The following MTAP variants were observed in gnomAD, a reference collection of about 807,000 sequenced individuals.
The protein encoded by MTAP is methylthioadenosine phosphorylase.
MTAP carries 33 observed loss-of-function variants against 33.6 expected under a neutral mutation model. The observed-to-expected ratio is 0.98, with a 90% confidence interval of 0.74 to 1.31. The LOEUF (loss-of-function observed/expected upper bound fraction) is 1.31, where lower values mean the gene tolerates loss of function less well. Among genes scored for constraint, MTAP ranks in the 40% most tolerant of loss-of-function variants. MTAP has a pLI of 0.00. For missense variants in MTAP, 367 were observed against 360.0 expected, an observed-to-expected ratio of 1.02 and a Z score of -0.16; for synonymous variants, 148 against 125.7, an observed-to-expected ratio of 1.18 and a Z score of -1.19.
intron 4 of MTAP, among the ~76,000 whole-genome samples, chr9:21,830,244 C>T (rs889501114): frequency 6.6e-6 from 1 of 152,136 alleles, no homozygotes; most frequent in Non-Finnish European, 1.5e-5. Context: ...TGCACAGGGA[C>T]GAGTTTCCTG....
chr9:21,812,721 C>T (rs10811624), intron 1 of MTAP, among the ~76,000 whole-genome samples: 7,193 of 152,258 alleles, frequency 0.047, 196 homozygotes, highest in Middle Eastern at 0.085. Flanking sequence ...TCGTCATGAA[C>T]TTGACCTCTC....
intron 1 of MTAP, among the ~76,000 whole-genome samples, chr9:21,874,910 G>A (rs1825984500): frequency 6.6e-6 from 1 of 151,868 alleles, no homozygotes; most frequent in Non-Finnish European, 1.5e-5. Context: ...TGTTCTTATT[G>A]TTCAACTCCC....
At chr9:21,814,826 G>T (rs1271447268) in intron 1 of MTAP, among the ~76,000 whole-genome samples, 1 of 152,146 alleles carries the variant, frequency 6.6e-6, no homozygotes, top group Non-Finnish European at 1.5e-5. Context: ...ATACATATAT[G>T]AATGATTGTT....
intron 1 of MTAP, 52 bp downstream of exon 1, chr9:21,802,833 G>GC: frequency 1.9e-6 from 3 of 1,605,554 alleles, no homozygotes; most frequent in Non-Finnish European, 2.5e-6. Flanking sequence ...ATGCCTTCTC[G>GC]CCCCCGCGCC....
rs1818708224 is a variant in MTAP at position 21,917,399 on chromosome 9, C to T, written c.148-13609C>T. On this transcript the variant is annotated intron_variant, in intron 1 of 1. Coordinates refer to the MTAP transcript ENST00000577563. Reference sequence around the variant, plus strand: ...ACGAAAGCAAGGCCTACCCTGGGTACTGCAATGTTAGTAGGTCAAGGAAAA... The same window carrying T: ...ACGAAAGCAAGGCCTACCCTGGGTATTGCAATGTTAGTAGGTCAAGGAAAA... Among the ~76,000 whole-genome samples, 2 of 152,110 alleles carry T rather than the reference C, an allele frequency of 1.3e-5. 1 individual carries two copies. Among genetic ancestry groups the T allele is most frequent in the Non-Finnish European group, 2.9e-5 (2 of 68,026 alleles).
At chr9:21,808,136 G>C (rs151330233) in intron 1 of MTAP, among the ~76,000 whole-genome samples, 85 of 152,360 alleles carry the variant, frequency 5.6e-4, no homozygotes, top group African/African-American at 2.0e-3. Flanking sequence ...GTTTTGACAA[G>C]CCTTAGAATA....
At chr9:21,861,667 A>G (rs1825756020) in intron 7 of MTAP, 1 of 373,314 alleles carries the variant, frequency 2.7e-6, no homozygotes, top group African/African-American at 2.1e-5. Flanking sequence ...GATAAGGGAT[A>G]GAGGTTGCAT....
intron 1 of MTAP, chr9:21,803,003 C>CACACACACAT: frequency 1.0e-6 from 1 of 975,512 alleles, no homozygotes; most frequent in Non-Finnish European, 1.4e-6. Context: ...CACACACACA[C>CACACACACAT]ACACACACAC....
rs1824864598 is a variant in MTAP, at chr9:21,827,973, A to C, written c.347+9771A>C. On this transcript the variant is annotated intron_variant, in intron 4 of 7. Coordinates refer to ENST00000644715, the MANE Select transcript of MTAP (RefSeq NM_002451.4). ...GAATTGGGCACTGAGCCTTGGGTTAATCTGTTACTTAAACAGTATGACTAT... is the reference window on the plus strand; with the variant it reads ...GAATTGGGCACTGAGCCTTGGGTTACTCTGTTACTTAAACAGTATGACTAT... Among the ~76,000 whole-genome samples the C allele has an allele frequency of 1.3e-5, 2 of 152,258 alleles. 1 individual carries two copies. Among genetic ancestry groups the C allele is most frequent in the Non-Finnish European group, 2.9e-5 (2 of 68,044 alleles).
At chr9:21,820,148 T>G (rs1011082312) in intron 4 of MTAP, among the ~76,000 whole-genome samples, 8 of 152,312 alleles carry the variant, frequency 5.3e-5, no homozygotes, top group East Asian at 1.9e-4. Flanking sequence ...TTAGTTTAAT[T>G]AGATCCCATT....
chr9:21,861,399 C>T (rs1026593937), intron 7 of MTAP: 1 of 153,060 alleles, frequency 6.5e-6, no homozygotes, highest in Non-Finnish European at 1.5e-5. Flanking sequence ...GGAATTCCTG[C>T]TCTAGACAAA....
chr9:21,881,900 G>A (rs147744138), intron 1 of MTAP, among the ~76,000 whole-genome samples: 2,411 of 151,992 alleles, frequency 0.016, 64 homozygotes, highest in African/African-American at 0.054. Flanking sequence ...ATTGAAAGCA[G>A]GATCTCAAAG....
downstream of MTAP, among the ~76,000 whole-genome samples, chr9:21,939,190 T>C (rs370366219): frequency 1.3e-5 from 2 of 152,328 alleles, no homozygotes; most frequent in African/African-American, 4.8e-5. Context: ...CCCGCCATAA[T>C]TCTGAGGCCT....
At chr9:21,871,092 A>G (rs1027301791), downstream of MTAP, among the ~76,000 whole-genome samples, 1 of 152,146 alleles carries the variant, frequency 6.6e-6, no homozygotes, top group African/African-American at 2.4e-5. Context: ...TTTTTATAAG[A>G]AATGTTCTAT....
chr9:21,925,681 CT>C (rs1818858580), intron 1 of MTAP, among the ~76,000 whole-genome samples: 1 of 152,226 alleles, frequency 6.6e-6, no homozygotes, highest in Non-Finnish European at 1.5e-5. Flanking sequence ...GGAAATGGAA[CT>C]GCCCTGAGGG....
Position 21,818,052 on chromosome 9 carries a change from C to T in MTAP, c.197C>T (p.Thr66Ile). The change falls in exon 4 of 8, where the codon ACC becomes ATC. Residue 66 changes from threonine (T) to isoleucine (I), a missense_variant. Physicochemically the swap from Thr to Ile is moderately conservative, Grantham distance 89. Transcript: ENST00000644715. ...VLLARHGRQHTIMPSKVNYQA... is the reference protein window; with the variant it reads ...VLLARHGRQHIIMPSKVNYQA... ...TTCCATAGGCATGGAAGGCAGCACA[C>T]CATCATGCCTTCAAAGGTCAACTAC... is the stretch of plus-strand genomic sequence containing the variant. 6.2e-7 allele frequency: 1 copy of T among 1,612,908 alleles called. No individual in the cohort carries two copies. The highest frequency in any genetic ancestry group is 8.5e-7 in the Non-Finnish European group (1 of 1,179,590).
At chr9:21,839,657 A>G (rs193196045) in intron 5 of MTAP, among the ~76,000 whole-genome samples, 3 of 152,336 alleles carry the variant, frequency 2.0e-5, no homozygotes, top group African/African-American at 4.8e-5. Context: ...AAATTTTTAA[A>G]TATTATCCAA....
chr9:21,892,112 C>A (rs1262905839), intron 1 of MTAP: 1 of 152,102 alleles, frequency 6.6e-6, no homozygotes, highest in East Asian at 1.9e-4. Context: ...CATACAAGTC[C>A]TAAAGGAAGT....
At chr9:21,891,050 A>G (rs1818193479) in intron 1 of MTAP, among the ~76,000 whole-genome samples, 1 of 152,140 alleles carries the variant, frequency 6.6e-6, no homozygotes, top group Admixed American at 6.6e-5. Context: ...TAGTTTGAGA[A>G]CAACTGTTCT....
Sources: allele counts gnomAD v4.1 joint callset (sites outside exome capture counted in the v4.1 genomes callset), GRCh38; gene constraint gnomAD v4.1.1; transcripts MANE v1.5; gene names NCBI Gene and HGNC (gene_info 2026-07-23, HGNC 2026-07-21).